CPQ: variants seen among roughly 807,000 people sequenced by gnomAD.
CPQ encodes Ser-Met dipeptidase.
CPQ carries 37 observed loss-of-function variants against 45.7 expected under a neutral mutation model. That is an observed-to-expected ratio of 0.81 (90% CI 0.62 to 1.07). The LOEUF is 1.07. Among genes scored for constraint, CPQ ranks in the 50% least tolerant of loss-of-function variants. The pLI is 0.00. For missense variants in CPQ, 537 were observed against 572.9 expected (o/e 0.94, Z 0.64); for synonymous variants, 186 against 205.8 (o/e 0.90, Z 0.82).
At chr8:96,970,241 A>C (rs1563542262) in intron 5 of CPQ, among the ~76,000 whole-genome samples, 1 of 152,200 alleles carries the variant, frequency 6.6e-6, no homozygotes, top group Non-Finnish European at 1.5e-5. Context: ...TCCTGAAACG[A>C]ATCTGGGACT....
At chr8:96,915,582 T>A (rs920010844) in intron 4 of CPQ, among the ~76,000 whole-genome samples, 1 of 152,180 alleles carries the variant, frequency 6.6e-6, no homozygotes, top group African/African-American at 2.4e-5. Context: ...ATGCTCCTTT[T>A]CCAGAAGACC....
At chr8:96,905,178 G>A (rs1812560435) in intron 4 of CPQ, among the ~76,000 whole-genome samples, 1 of 152,080 alleles carries the variant, frequency 6.6e-6, no homozygotes, top group East Asian at 1.9e-4. Context: ...GAGAGAGAGA[G>A]TGAGGGGGGA....
At chr8:97,061,930 C>T (rs1304674984) in intron 6 of CPQ, among the ~76,000 whole-genome samples, 1 of 152,052 alleles carries the variant, frequency 6.6e-6, no homozygotes, top group Non-Finnish European at 1.5e-5. Context: ...AGGGTCAAAC[C>T]CAGTCTGGAT....
chr8:97,041,771 A>G (rs1051672657), intron 6 of CPQ, among the ~76,000 whole-genome samples: 1 of 152,154 alleles, frequency 6.6e-6, no homozygotes, highest in Non-Finnish European at 1.5e-5. Flanking sequence ...GGTTCTGTTT[A>G]TATGCTGGAT....
chr8:96,917,377 C>G (rs1299269310), intron 4 of CPQ, among the ~76,000 whole-genome samples: 1 of 152,096 alleles, frequency 6.6e-6, no homozygotes, highest in East Asian at 1.9e-4. Context: ...ACAGCCTTGG[C>G]CATGGCCATT....
intron 1 of CPQ, among the ~76,000 whole-genome samples, chr8:96,736,613 T>C (rs892855072): frequency 6.6e-6 from 1 of 152,164 alleles, no homozygotes; most frequent in African/African-American, 2.4e-5. Context: ...CTTCTGATCT[T>C]CTTACTGATA....
intron 5 of CPQ, among the ~76,000 whole-genome samples, chr8:97,010,982 T>C (rs1586493018): frequency 1.3e-5 from 2 of 152,326 alleles, no homozygotes; most frequent in East Asian, 3.9e-4. Context: ...ATTTTGTTAA[T>C]TTATCTAAGT....
chr8:96,883,857 T>C (rs1235609566), intron 4 of CPQ, among the ~76,000 whole-genome samples: 1 of 152,218 alleles, frequency 6.6e-6, no homozygotes, highest in Non-Finnish European at 1.5e-5. Flanking sequence ...TCACTCTATT[T>C]CCTTTCTTTT....
intron 5 of CPQ, among the ~76,000 whole-genome samples, chr8:97,001,411 A>G (rs1188683016): frequency 2.0e-5 from 3 of 152,092 alleles, no homozygotes; most frequent in Non-Finnish European, 4.4e-5. Flanking sequence ...ATTTTGAGAT[A>G]TGTTCCTTCA....
chr8:96,869,945 T>G (rs1472403762), intron 3 of CPQ, among the ~76,000 whole-genome samples: 2 of 152,054 alleles, frequency 1.3e-5, no homozygotes, highest in South Asian at 4.1e-4. Context: ...GAGCACCTAC[T>G]GTGGTCCAGA....
At chr8:96,730,925 T>TC (rs1197453302) in intron 1 of CPQ, among the ~76,000 whole-genome samples, 1 of 129,346 alleles carries the variant, frequency 7.7e-6, no homozygotes, top group Non-Finnish European at 1.7e-5. Context: ...ATTTAACACC[T>TC]CCCCCCACCC....
intron 2 of CPQ, among the ~76,000 whole-genome samples, chr8:96,801,330 T>C (rs972986413): frequency 1.3e-5 from 2 of 152,138 alleles, no homozygotes; most frequent in South Asian, 2.1e-4. Context: ...GAGGTTAAGA[T>C]AGATATATGG....
Position 97,014,806 on chromosome 8 carries a change from C to T in CPQ, c.962-14597C>T, listed in dbSNP as rs1313539641. Among the ~76,000 whole-genome samples, 3 of 151,978 alleles carry T rather than the reference C, an allele frequency of 2.0e-5. No individual in the cohort carries two copies. In the East Asian group the frequency reaches 5.8e-4, roughly 29 times the overall value. On this transcript the variant is annotated intron_variant, in intron 5 of 7. Coordinates refer to ENST00000220763, the MANE Select transcript of CPQ (RefSeq NM_016134.4). ...AGATAACTTCATAACTAATTTTATA[C>T]ACAAGGAAAATCTTTGAAAATGTAG...
chr8:96,749,754 G>A (rs934425176), intron 1 of CPQ, among the ~76,000 whole-genome samples: 4 of 152,170 alleles, frequency 2.6e-5, no homozygotes, highest in African/African-American at 7.2e-5. Context: ...TGTTAGTGAG[G>A]ACAGAAGTAG....
Position 96,989,433 on chromosome 8 carries a change from AAGGGG to A in CPQ, c.961+23404_961+23408del, listed in dbSNP as rs1387352093. Among the ~76,000 whole-genome samples, 463 of 81,754 alleles carry A rather than the reference AAGGGG, an allele frequency of 5.7e-3. 9 individuals carry two copies. The highest frequency in any genetic ancestry group is 0.055 in the Admixed American group (404 of 7,286). The allele number at this position is 81,754 out of a possible 152,430, so 53.6% of individuals were successfully genotyped here. A position where few individuals can be genotyped will look rare whatever the true frequency, so the allele number is the denominator to read the frequency against. On this transcript the variant is annotated intron_variant, in intron 5 of 7. Transcript: ENST00000220763. ...GAGGGGAGGGGACAGGAGCGGAGGGAAGGGGAGGGGAGGGGAGGGGACAGGAGCAG... is the reference window on the plus strand; with the variant it reads ...GAGGGGAGGGGACAGGAGCGGAGGGAAGGGGAGGGGAGGGGACAGGAGCAG...
intron 3 of CPQ, 49 bp downstream of exon 3, chr8:96,835,229 G>A (rs770494749): frequency 1.5e-5 from 21 of 1,358,000 alleles, no homozygotes; most frequent in South Asian, 5.6e-5. Flanking sequence ...AGGGTTTTCC[G>A]TGAAGGAAAA....
At chr8:97,085,967 T>G (rs1563576188) in intron 7 of CPQ, among the ~76,000 whole-genome samples, 1 of 152,178 alleles carries the variant, frequency 6.6e-6, no homozygotes, top group African/African-American at 2.4e-5. Context: ...TTGGAGGCTT[T>G]GACAATTCTA....
intron 4 of CPQ, among the ~76,000 whole-genome samples, chr8:96,946,715 C>T (rs1401438130): frequency 2.0e-5 from 3 of 151,728 alleles, no homozygotes; most frequent in South Asian, 2.1e-4. Flanking sequence ...TGGGTCAGTA[C>T]GCCACTTAAT....
At position 96,815,936 on chromosome 8, in the gene CPQ, C is replaced by T. The variant is rs577714524; in HGVS notation, c.434-19037C>T. Among the ~76,000 whole-genome samples, 5 of 152,254 alleles carry T rather than the reference C, an allele frequency of 3.3e-5. 1 individual carries two copies. In the East Asian group the frequency reaches 9.7e-4, roughly 29 times the overall value. ...TGCTAACTGTCATCTGTGCCTTCAG[C>T]AAGTTGTAATCTTTTTGCTGGTGGT... On this transcript the variant is annotated intron_variant, in intron 2 of 7. Coordinates refer to ENST00000220763, the MANE Select transcript of CPQ (RefSeq NM_016134.4).
Sources: gnomAD v4.1 joint callset for allele counts (sites outside exome capture counted in the v4.1 genomes callset) on GRCh38, gnomAD v4.1.1 for gene constraint, MANE v1.5 for transcripts, NCBI Gene and HGNC (gene_info 2026-07-23, HGNC 2026-07-21) for gene names.